INAVA: variants seen among roughly 807,000 people sequenced by gnomAD.
INAVA encodes the protein innate immunity activator protein.
In INAVA, 32 loss-of-function variants were observed where a neutral mutation model predicts 55.3. The observed-to-expected ratio is 0.58, with a 90% CI of 0.44 to 0.78. INAVA has a LOEUF of 0.78. Ranked by LOEUF, INAVA falls within the 30% of genes least tolerant of loss-of-function variation. The probability of loss-of-function intolerance (pLI) is 0.00; values close to 1 mark genes in which losing one functional copy is unlikely to be tolerated. For missense variants in INAVA, 756 were observed against 786.4 expected (o/e 0.96, Z 0.46); for synonymous variants, 294 against 329.4 (o/e 0.89, Z 1.16).
Position 200,913,635 on chromosome 1 carries a change from C to T in INAVA, c.*6C>T, listed in dbSNP as rs745862422. On this transcript the variant is annotated 3_prime_UTR_variant, in exon 10 of 10. Transcript: ENST00000413687. ...AGATCATCAGCCAGGTGTAACTCTG[C>T]GCCCCACGCTGGAAAAAACTGTTTC... The T allele has an allele frequency of 1.6e-5, 26 of 1,611,356 alleles. No homozygotes were observed. Among genetic ancestry groups the T allele is most frequent in the South Asian group, 8.8e-5 (8 of 90,960 alleles).
At chr1:200,903,057 T>TAA in intron 5 of INAVA, 1 of 152,242 alleles carries the variant, frequency 6.6e-6, no homozygotes, top group Non-Finnish European at 1.5e-5. Flanking sequence ...CCCTGGGATC[T>TAA]AAAGTCCTGT....
upstream of INAVA, among the ~76,000 whole-genome samples, chr1:200,894,215 A>T (rs1009659578): frequency 1.3e-5 from 2 of 152,008 alleles, no homozygotes; most frequent in Non-Finnish European, 1.5e-5. Context: ...GGAGTAGGAA[A>T]CAGGACTTGG....
intron 8 of INAVA, among the ~76,000 whole-genome samples, chr1:200,911,134 TAAAAA>T (rs66499924): frequency 1.6e-4 from 3 of 18,960 alleles, no homozygotes; most frequent in African/African-American, 7.7e-4. Context: ...TGTAGTACTT[TAAAAA>T]AAGTACTTAA....
chr1:200,907,523 C>G (rs1213393461), intron 5 of INAVA, among the ~76,000 whole-genome samples: 1 of 152,048 alleles, frequency 6.6e-6, no homozygotes, highest in Non-Finnish European at 1.5e-5. Context: ...GCTGGGTGTG[C>G]TGGCATGCCC....
chr1:200,912,886 A>G (rs1036987437), intron 9 of INAVA, among the ~76,000 whole-genome samples: 2 of 152,156 alleles, frequency 1.3e-5, no homozygotes, highest in African/African-American at 4.8e-5. Context: ...AGGGTAGTAT[A>G]TAGGATAGAG....
intron 6 of INAVA, 61 bp from the exon 7 acceptor site, chr1:200,908,669 G>A: frequency 7.0e-7 from 1 of 1,422,760 alleles, no homozygotes; most frequent in Admixed American, 2.3e-5. Context: ...GGTTTGTGGA[G>A]GTTCTTGTTG....
At chr1:200,895,145 T>A (rs902711044) in intron 1 of INAVA, 58 bp downstream of exon 1, 83 of 983,604 alleles carry the variant, frequency 8.4e-5, no homozygotes, top group Non-Finnish European at 9.5e-5. Context: ...GGCCTGGGAG[T>A]GGAGGAGCCC....
In INAVA at chr1:200,906,852, G is replaced by T. The variant is rs188665435; in HGVS notation, c.521-982G>T. 1.1e-4 allele frequency among the ~76,000 whole-genome samples: 17 copies of T among 152,214 alleles called. No homozygotes were observed. In the East Asian group the frequency reaches 3.3e-3, roughly 29 times the overall value. ...TTCCCTTTTTTTTATTTGAGACAGGGTCTCACTCTGTTGCCCAGGCTGGAG... is the reference window on the plus strand; with the variant it reads ...TTCCCTTTTTTTTATTTGAGACAGGTTCTCACTCTGTTGCCCAGGCTGGAG... On this transcript the variant is annotated intron_variant, in intron 5 of 9. Coordinates refer to ENST00000413687, the MANE Select transcript of INAVA (RefSeq NM_001142569.3).
rs776618612 is a variant in INAVA, at chr1:200,900,183, C to T, written c.260C>T (p.Ala87Val). The T allele has an allele frequency of 6.8e-6, 11 of 1,613,990 alleles. No individual in the cohort carries two copies. Among genetic ancestry groups the T allele is most frequent in the South Asian group, 3.3e-5 (3 of 91,092 alleles). The change falls in exon 4 of 10, where the codon GCG becomes GTG. Residue 87 changes from alanine to valine, a missense_variant. Transcript: ENST00000413687. ...KAPKVRRRIG[A>V]AYKLDDWALH... is the part of the protein sequence containing the mutation. ...CCCAAGGTTCGCCGCAGGATCGGAG[C>T]GGCTTACAAACTGGATGACTGGGCC... is the stretch of plus-strand genomic sequence containing the variant.
At chr1:200,909,785 G>T (rs148056043) in intron 8 of INAVA, among the ~76,000 whole-genome samples, 1 of 152,116 alleles carries the variant, frequency 6.6e-6, no homozygotes, top group Non-Finnish European at 1.5e-5. Flanking sequence ...TAAAATTGAC[G>T]CAAATCCTGA....
At chr1:200,907,350 T>C (rs76898236) in intron 5 of INAVA, among the ~76,000 whole-genome samples, 8,030 of 152,182 alleles carry the variant, frequency 0.053, 714 homozygotes, top group African/African-American at 0.18. Context: ...TTTTTTCTAC[T>C]TCCATGTAGT....
At chr1:200,909,013 T>C (rs1356561304) in intron 7 of INAVA, 73 bp downstream of exon 7, 5 of 1,453,980 alleles carry the variant, frequency 3.4e-6, no homozygotes, top group East Asian at 2.4e-5. Context: ...GGGATGGCTA[T>C]AGGCTGGGCA....
At chr1:200,912,301 G>C (rs185809285) in intron 9 of INAVA, among the ~76,000 whole-genome samples, 164 bp downstream of exon 9, 39 of 152,292 alleles carry the variant, frequency 2.6e-4, no homozygotes, top group Middle Eastern at 3.4e-3. Flanking sequence ...ATTTCCTCTT[G>C]GCTTTGGAAG....
upstream of INAVA, among the ~76,000 whole-genome samples, chr1:200,892,234 T>C (rs1392517268): frequency 6.6e-6 from 1 of 152,114 alleles, no homozygotes; most frequent in African/African-American, 2.4e-5. Context: ...ACTTCTTCCT[T>C]TTTTCACTGT....
intron 6 of INAVA, chr1:200,908,517 A>C (rs1653582463): frequency 2.2e-6 from 1 of 461,536 alleles, no homozygotes. Flanking sequence ...TTCTTGAAGG[A>C]GGAAGGCATA....
At chr1:200,895,452 C>G (rs1439967778) in intron 1 of INAVA, among the ~76,000 whole-genome samples, 2 of 151,844 alleles carry the variant, frequency 1.3e-5, no homozygotes, top group Non-Finnish European at 2.9e-5. Flanking sequence ...CTGCCTTTTT[C>G]TGGGGACATT....
At chr1:200,900,059 C>T (rs1278760805) in intron 3 of INAVA, 45 bp from the exon 4 acceptor site, 1 of 1,533,096 alleles carries the variant, frequency 6.5e-7, no homozygotes, top group South Asian at 1.2e-5. Context: ...TGAGCCAAGT[C>T]TGGGCAGGTG....
intron 5 of INAVA, 101 bp from the exon 6 acceptor site, chr1:200,907,733 G>A (rs924237305): frequency 1.2e-6 from 1 of 844,874 alleles, no homozygotes. Flanking sequence ...ATGCTGTCCT[G>A]GGGGAGTGAT....
In INAVA at chr1:200,908,710, G is replaced by C; in HGVS notation, c.575-20G>C. 2.0e-6 allele frequency: 3 copies of C among 1,530,334 alleles called. No individual in the cohort carries two copies. Among genetic ancestry groups the C allele is most frequent in the South Asian group, 1.3e-5 (1 of 78,376 alleles). The allele number at this position is 1,530,334 out of a possible 1,614,324, so 94.8% of individuals were successfully genotyped here. A position where few individuals can be genotyped will look rare whatever the true frequency, so the allele number is the denominator to read the frequency against. ...GTTCCCCCAGCCTCTGGCCTTACCA[G>C]GTTTCTTTTACTCCTGCAGAGGAAT... is the stretch of plus-strand genomic sequence containing the variant. On this transcript the variant is annotated intron_variant, in intron 6 of 9. Transcript: ENST00000413687.
Sources: gnomAD v4.1 joint callset for allele counts (sites outside exome capture counted in the v4.1 genomes callset) on GRCh38, gnomAD v4.1.1 for gene constraint, MANE v1.5 for transcripts, NCBI Gene and HGNC (gene_info 2026-07-23, HGNC 2026-07-21) for gene names.